The following CREM variants were observed in gnomAD, a reference collection of about 807,000 sequenced individuals.
CREM encodes cAMP responsive element modulator.
Under a neutral mutation model 37.3 loss-of-function variants are expected in CREM, and 13 were observed. The observed-to-expected ratio is 0.35, with a 90% confidence interval of 0.23 to 0.55. The LOEUF (loss-of-function observed/expected upper bound fraction) is 0.55. Ranked by LOEUF, CREM falls within the 20% of genes least tolerant of loss-of-function variation. The probability of loss-of-function intolerance (pLI) is 0.88; values close to 1 mark genes in which losing one functional copy is unlikely to be tolerated. For synonymous variants in CREM, 124 were observed against 120.2 expected, an observed-to-expected ratio of 1.03 and a Z score of -0.21; for missense variants, 296 against 362.3, an observed-to-expected ratio of 0.82 and a Z score of 1.49.
At chr10:35,206,173 A>C (rs895922079) in intron 6 of CREM, among the ~76,000 whole-genome samples, 1 of 150,960 alleles carries the variant, frequency 6.6e-6, no homozygotes, top group African/African-American at 2.4e-5. Context: ...GCATGAACCC[A>C]GGAGGCGGAG....
intron 3 of CREM, among the ~76,000 whole-genome samples, chr10:35,168,440 G>T (rs979481340): frequency 6.6e-6 from 1 of 152,112 alleles, no homozygotes; most frequent in African/African-American, 2.4e-5. Flanking sequence ...TTTTTGATGG[G>T]GTGGTTTGGT....
chr10:35,196,308 C>T, intron 6 of CREM: 2 of 528,092 alleles, frequency 3.8e-6, no homozygotes, highest in East Asian at 3.1e-5. Context: ...AATTTGTAAT[C>T]GGTAATTTTT....
intron 3 of CREM, among the ~76,000 whole-genome samples, chr10:35,159,245 A>G (rs1242359975): frequency 6.6e-6 from 1 of 152,100 alleles, no homozygotes; most frequent in African/African-American, 2.4e-5. Context: ...TATGATAATC[A>G]TTTGAAAGTC....
chr10:35,132,531 T>C (rs1340226869), intron 1 of CREM, among the ~76,000 whole-genome samples: 5 of 152,258 alleles, frequency 3.3e-5, no homozygotes, highest in African/African-American at 9.6e-5. Context: ...TGAATTTATG[T>C]ATAATTCATG....
At chr10:35,187,731 C>T (rs1364988278) in intron 5 of CREM, among the ~76,000 whole-genome samples, 1 of 152,034 alleles carries the variant, frequency 6.6e-6, no homozygotes, top group African/African-American at 2.4e-5. Flanking sequence ...CCTTGAACTC[C>T]TGGGCTCAAG....
intron 3 of CREM, among the ~76,000 whole-genome samples, chr10:35,161,187 T>C (rs114468522): frequency 2.6e-3 from 390 of 151,966 alleles, no homozygotes; most frequent in African/African-American, 9.1e-3. Flanking sequence ...CCCATGCTGG[T>C]GTGTGGTGAT....
At chr10:35,195,302 A>T (rs1202438178) in intron 6 of CREM, 33 of 1,492,368 alleles carry the variant, frequency 2.2e-5, no homozygotes, top group Middle Eastern at 1.7e-4. Context: ...GTGTTTCAGA[A>T]AGTGTTACTC....
At position 35,137,788 on chromosome 10, in the gene CREM, T is replaced by G. The variant is rs1419122933; in HGVS notation, c.-48T>G. The G allele has an allele frequency of 2.1e-6, 3 of 1,446,868 alleles. No homozygotes were observed. Among genetic ancestry groups the G allele is most frequent in the Non-Finnish European group, 1.9e-6 (2 of 1,067,356 alleles). The allele number at this position is 1,446,868 out of a possible 1,614,324, so 89.6% of individuals were successfully genotyped here. Reference sequence around the variant, plus strand: ...CATTATAATTTTACTGCAGGATAAATAAAGAAAACAGGAAAGGAGGAAAGC... The same window carrying G: ...CATTATAATTTTACTGCAGGATAAAGAAAGAAAACAGGAAAGGAGGAAAGC... On this transcript the variant is annotated 5_prime_UTR_variant, in exon 2 of 8. Coordinates refer to ENST00000685392, the MANE Select transcript of CREM (RefSeq NM_183011.2).
At chr10:35,187,830 A>T (rs1431684911) in intron 5 of CREM, among the ~76,000 whole-genome samples, 1 of 152,144 alleles carries the variant, frequency 6.6e-6, no homozygotes, top group Non-Finnish European at 1.5e-5. Flanking sequence ...AAATGGTAGA[A>T]GAATGGTGTT....
At chr10:35,156,253 C>CT (rs34829879) in intron 3 of CREM, among the ~76,000 whole-genome samples, 45,097 of 144,476 alleles carry the variant, frequency 0.31, 7,234 homozygotes, top group Non-Finnish European at 0.37. Context: ...CTTTTCTTTT[C>CT]TTTTTTTTTT....
intron 5 of CREM, among the ~76,000 whole-genome samples, chr10:35,181,173 A>G (rs1020918025): frequency 1.2e-4 from 18 of 152,210 alleles, no homozygotes; most frequent in Admixed American, 3.9e-4. Flanking sequence ...TTGAAGCTGG[A>G]GAGGATGTGG....
In CREM at chr10:35,194,001, G is replaced by A. The variant is rs182461214; in HGVS notation, c.598+5613G>A. ...AATCCCAGCTACTTGGGAAGCTGAG[G>A]CAGGAGAATCATTTGAACCCAGGAG... On this transcript the variant is annotated intron_variant, in intron 6 of 7. Transcript: ENST00000685392. Among the ~76,000 whole-genome samples, 381 of 149,066 alleles carry A rather than the reference G, an allele frequency of 2.6e-3. 3 individuals carry two copies. The highest frequency in any genetic ancestry group is 9.1e-3 in the African/African-American group (369 of 40,550).
chr10:35,180,702 C>A (rs754121008), intron 5 of CREM, among the ~76,000 whole-genome samples: 4 of 152,182 alleles, frequency 2.6e-5, no homozygotes, highest in African/African-American at 9.7e-5. Context: ...TTTTGTCTGG[C>A]ACACTGGGAA....
chr10:35,175,460 C>T (rs181565228), intron 3 of CREM: 88 of 509,732 alleles, frequency 1.7e-4, no homozygotes, highest in African/African-American at 1.6e-3. Flanking sequence ...AAAAAAGAAC[C>T]ATAGTTAAGT....
chr10:35,169,197 C>T (rs187851561), intron 3 of CREM, among the ~76,000 whole-genome samples: 12 of 152,242 alleles, frequency 7.9e-5, no homozygotes, highest in Admixed American at 3.3e-4. Flanking sequence ...GCAGTATGGC[C>T]GTTTTCACCA....
chr10:35,186,065 AC>A (rs2133481119), intron 5 of CREM, among the ~76,000 whole-genome samples: 1 of 152,316 alleles, frequency 6.6e-6, no homozygotes, highest in East Asian at 1.9e-4. Flanking sequence ...CACTACTGTT[AC>A]GCTACTGTAA....
chr10:35,131,382 T>G (rs2089348623), intron 1 of CREM, among the ~76,000 whole-genome samples: 2 of 152,216 alleles, frequency 1.3e-5, no homozygotes, highest in African/African-American at 4.8e-5. Context: ...ATCATCCAAC[T>G]TAGAATAGCA....
intron 2 of CREM, among the ~76,000 whole-genome samples, 158 bp from the exon 3 acceptor site, chr10:35,148,208 CAT>C (rs1039882067): frequency 5.3e-5 from 8 of 152,148 alleles, no homozygotes; most frequent in Non-Finnish European, 7.3e-5. Context: ...CATGAGGTCA[CAT>C]GTGGAATTTT....
At chr10:35,165,923 C>T (rs1404359344) in intron 3 of CREM, among the ~76,000 whole-genome samples, 1 of 152,096 alleles carries the variant, frequency 6.6e-6, no homozygotes, top group African/African-American at 2.4e-5. Flanking sequence ...TTAAACCCTT[C>T]TGGATAATTA....
Sources: allele counts gnomAD v4.1 joint callset (sites outside exome capture counted in the v4.1 genomes callset), GRCh38; gene constraint gnomAD v4.1.1; transcripts MANE v1.5; gene names NCBI Gene and HGNC (gene_info 2026-07-23, HGNC 2026-07-21).